The following HIVEP2 variants were observed in gnomAD, a reference collection of about 807,000 sequenced individuals.
HIVEP2 encodes HIVEP zinc finger 2.
In HIVEP2, 14 loss-of-function variants were observed where a neutral mutation model predicts 180.7. That is an observed-to-expected ratio of 0.08 (90% CI 0.05 to 0.12). The LOEUF (loss-of-function observed/expected upper bound fraction) is 0.12. Among genes scored for constraint, HIVEP2 ranks in the 10% least tolerant of loss-of-function variants. The pLI is 1.00. For missense variants in HIVEP2, 2,579 were observed against 3,008.5 expected (o/e 0.86, Z 3.34); for synonymous variants, 1,184 against 1,136.4 (o/e 1.04, Z -0.84).
intron 1 of HIVEP2, among the ~76,000 whole-genome samples, chr6:142,912,079 T>C (rs187203665): frequency 4.6e-5 from 7 of 152,344 alleles, no homozygotes; most frequent in African/African-American, 1.7e-4. Flanking sequence ...TGCTATCCAG[T>C]ATGGTAGGCA....
intron 3 of HIVEP2, among the ~76,000 whole-genome samples, chr6:142,778,091 A>G (rs1427279788): frequency 2.6e-5 from 4 of 152,238 alleles, no homozygotes; most frequent in Admixed American, 6.5e-5. Flanking sequence ...CATGAAGCCT[A>G]AGAGATTTGT....
chr6:142,846,912 C>T (rs781144758), intron 1 of HIVEP2, among the ~76,000 whole-genome samples: 2 of 152,276 alleles, frequency 1.3e-5, no homozygotes. Context: ...GTGAAGGCTA[C>T]GCAGGTAAAG....
intron 1 of HIVEP2, among the ~76,000 whole-genome samples, chr6:142,914,347 T>TA (rs879283256): frequency 6.6e-6 from 1 of 152,226 alleles, no homozygotes; most frequent in Non-Finnish European, 1.5e-5. Context: ...AATGCCATCT[T>TA]ACAACCGATG....
intron 1 of HIVEP2, among the ~76,000 whole-genome samples, chr6:142,841,428 TA>T (rs1227513340): frequency 6.7e-6 from 1 of 149,548 alleles, no homozygotes; most frequent in East Asian, 1.9e-4. Context: ...TTCATGTGCA[TA>T]ATCACATGAA....
intron 9 of HIVEP2, among the ~76,000 whole-genome samples, chr6:142,759,296 C>T (rs1204094438): frequency 4.0e-5 from 6 of 149,178 alleles, no homozygotes; most frequent in Non-Finnish European, 9.0e-5. Flanking sequence ...GAGTGAGACC[C>T]TGTCTCAAAA....
chr6:142,775,526 T>A (rs1270261907), intron 4 of HIVEP2, among the ~76,000 whole-genome samples: 2 of 152,170 alleles, frequency 1.3e-5, no homozygotes, highest in Non-Finnish European at 2.9e-5. Flanking sequence ...TATAGAGATA[T>A]GTTTTATAGC....
At chr6:142,883,827 CACAG>C (rs1776633786) in intron 1 of HIVEP2, among the ~76,000 whole-genome samples, 1 of 152,166 alleles carries the variant, frequency 6.6e-6, no homozygotes, top group Non-Finnish European at 1.5e-5. Context: ...ACTCAAAACT[CACAG>C]AGCTCTGAGC....
chr6:142,770,636 T>C lies in HIVEP2; in HGVS notation c.4103A>G (p.Lys1368Arg), dbSNP rs1441087304. 2 of 1,614,230 alleles carry C rather than the reference T, an allele frequency of 1.2e-6. No homozygotes were observed. Among genetic ancestry groups the C allele is most frequent in the Non-Finnish European group, 8.5e-7 (1 of 1,180,042 alleles). ...CCTTTGGGTCATATTCTCATCGACT[T>C]TGCATATGACAATGGCAGGGCTATT... ...GQNSPAIVIC[K>R]VDENMTQRTL... The change falls in exon 5 of 10, where the codon AAA becomes AGA. Residue 1368 changes from lysine (K) to arginine (R), a missense_variant. This residue lies in a region of HIVEP2 where 523 missense variants were observed against 577.0 expected (regional missense o/e 0.91). Transcript: ENST00000367603. This position sits in a 1 kb window ranked among gnomAD's most constrained non-coding sequence, Gnocchi z 4.7.
At chr6:142,886,937 T>C (rs544337464) in intron 1 of HIVEP2, among the ~76,000 whole-genome samples, 12 of 152,286 alleles carry the variant, frequency 7.9e-5, no homozygotes, top group East Asian at 3.9e-4. Context: ...AGGTGCAACA[T>C]ATTTTTAGTA....
intron 1 of HIVEP2, among the ~76,000 whole-genome samples, chr6:142,857,544 C>T (rs376474398): frequency 6.6e-6 from 1 of 152,208 alleles, no homozygotes; most frequent in East Asian, 1.9e-4. Flanking sequence ...CAGAATTCTA[C>T]TTCGGGTGCA....
At chr6:142,801,539 T>A (rs757355765) in intron 2 of HIVEP2, among the ~76,000 whole-genome samples, 69 of 152,002 alleles carry the variant, frequency 4.5e-4, no homozygotes, top group Admixed American at 9.9e-4. Context: ...CTAAGCGAAT[T>A]CTCTTTTACT....
chr6:142,840,103 A>AC (rs1193471604), intron 1 of HIVEP2, among the ~76,000 whole-genome samples: 1 of 151,964 alleles, frequency 6.6e-6, no homozygotes, highest in Non-Finnish European at 1.5e-5. Flanking sequence ...TCTCCAGAGT[A>AC]CCCCCTTCAT....
chr6:142,834,597 C>T (rs1165742187), intron 2 of HIVEP2, among the ~76,000 whole-genome samples: 1 of 151,936 alleles, frequency 6.6e-6, no homozygotes, highest in Non-Finnish European at 1.5e-5. Flanking sequence ...AATGTCAAGA[C>T]CAGTCAAAAA....
intron 1 of HIVEP2, among the ~76,000 whole-genome samples, chr6:142,921,265 C>T (rs532384787): frequency 7.9e-5 from 12 of 152,258 alleles, no homozygotes; most frequent in East Asian, 1.9e-4. Context: ...GGATAGGCTG[C>T]GCAAGGTGGC....
chr6:142,834,680 G>A (rs1442092647), intron 2 of HIVEP2, among the ~76,000 whole-genome samples: 1 of 152,072 alleles, frequency 6.6e-6, no homozygotes, highest in East Asian at 1.9e-4. Context: ...TAATTTGTAT[G>A]TACTAACTTT....
chr6:142,845,993 T>C (rs1268801752), intron 1 of HIVEP2, among the ~76,000 whole-genome samples: 1 of 152,152 alleles, frequency 6.6e-6, no homozygotes, highest in East Asian at 1.9e-4. Flanking sequence ...GCTGTCGAAA[T>C]GTATATTGCA....
chr6:142,806,325 A>C (rs980166713), intron 2 of HIVEP2, among the ~76,000 whole-genome samples: 1 of 152,196 alleles, frequency 6.6e-6, no homozygotes. Flanking sequence ...CAGGCTGCAT[A>C]AAATTTGGTA....
At chr6:142,763,561 A>G (rs887045201) in intron 7 of HIVEP2, among the ~76,000 whole-genome samples, 1 of 152,220 alleles carries the variant, frequency 6.6e-6, no homozygotes, top group African/African-American at 2.4e-5. Context: ...GAGATGTGTC[A>G]TTTCTTCATC....
chr6:142,902,414 C>T (rs1026882460), intron 1 of HIVEP2, among the ~76,000 whole-genome samples: 13 of 152,190 alleles, frequency 8.5e-5, no homozygotes, highest in Admixed American at 2.0e-4. Context: ...TGCCATGGTA[C>T]TATCATATTG....
Sources: allele counts gnomAD v4.1 joint callset (sites outside exome capture counted in the v4.1 genomes callset), GRCh38; gene constraint gnomAD v4.1.1; regional missense constraint gnomAD v4.1.1; non-coding constraint Gnocchi (gnomAD v3.1); transcripts MANE v1.5; gene names NCBI Gene and HGNC (gene_info 2026-07-23, HGNC 2026-07-21).